FARP1: variants seen among roughly 807,000 people sequenced by gnomAD.
FARP1 encodes FERM, ARH/RhoGEF and pleckstrin domain protein 1.
In FARP1, 52 loss-of-function variants were observed where a neutral mutation model predicts 128.8. That is an observed-to-expected ratio of 0.40 (90% CI 0.32 to 0.51). FARP1 has a LOEUF of 0.51. Ranked by LOEUF, FARP1 falls within the 20% of genes least tolerant of loss-of-function variation. The pLI, the probability that FARP1 is intolerant of heterozygous loss-of-function variation, is 0.45. For missense variants in FARP1, 1,333 were observed against 1,367.9 expected, an observed-to-expected ratio of 0.97 and a Z score of 0.40; for synonymous variants, 580 against 551.8, an observed-to-expected ratio of 1.05 and a Z score of -0.72.
chr13:98,176,730 CGAGGAGGAGTTGCCCATG>C lies in FARP1; in HGVS notation c.-24+33241_-24+33258del, dbSNP rs1227793758. On this transcript the variant is annotated intron_variant, in intron 1 of 26. Coordinates refer to ENST00000319562, the MANE Select transcript of FARP1 (RefSeq NM_005766.4). The surrounding 1 kb of genome is among the most constrained non-coding windows in gnomAD (Gnocchi z 6.2). ...GTATGGGGCCCTTCCTCGCCATCCC[CGAGGAGGAGTTGCCCATG>C]GACGTGTCCTTGGGCTTCAGGTACC... 1.4e-5 allele frequency: 23 copies of C among 1,614,158 alleles called. No individual in the cohort carries two copies. The highest frequency in any genetic ancestry group is 1.9e-5 in the Non-Finnish European group (23 of 1,180,030).
intron 2 of FARP1, among the ~76,000 whole-genome samples, chr13:98,247,761 G>A (rs763111150): frequency 7.3e-5 from 11 of 151,232 alleles, no homozygotes; most frequent in Non-Finnish European, 1.5e-4. Flanking sequence ...ATTGGGAGCC[G>A]ATAAGAAAGT....
intron 2 of FARP1, among the ~76,000 whole-genome samples, chr13:98,221,088 A>G (rs542444320): frequency 3.3e-5 from 5 of 152,266 alleles, no homozygotes; most frequent in African/African-American, 1.2e-4. Flanking sequence ...GTGGCGCTGC[A>G]TGAGTGGCTG....
chr13:98,194,139 G>C (rs991162050), intron 1 of FARP1, among the ~76,000 whole-genome samples: 2 of 151,324 alleles, frequency 1.3e-5, no homozygotes, highest in Non-Finnish European at 2.9e-5. Flanking sequence ...TTTTTGAGAC[G>C]AAGTTTTGCT....
chr13:98,195,909 C>T (rs1594256427), intron 1 of FARP1, among the ~76,000 whole-genome samples: 1 of 152,090 alleles, frequency 6.6e-6, no homozygotes, highest in East Asian at 1.9e-4. Context: ...GCCTGTGGTC[C>T]CAGCTACTCA....
At chr13:98,385,527 T>G in intron 7 of FARP1, 140 bp from the exon 8 acceptor site, 1 of 837,704 alleles carries the variant, frequency 1.2e-6, no homozygotes, top group Non-Finnish European at 1.9e-6. Flanking sequence ...AATGGGAGAT[T>G]GGGTGTCATC....
intron 1 of FARP1, 67 bp from the exon 2 acceptor site, chr13:98,213,153 G>T: frequency 1.5e-6 from 2 of 1,358,926 alleles, no homozygotes; most frequent in Non-Finnish European, 2.0e-6. Flanking sequence ...TGGGGTTCAA[G>T]GTGGCACACA....
chr13:98,288,311 C>T (rs1296085809), intron 2 of FARP1, among the ~76,000 whole-genome samples: 1 of 152,140 alleles, frequency 6.6e-6, no homozygotes, highest in African/African-American at 2.4e-5. Flanking sequence ...AAAATCTAAG[C>T]TTCATAGCAC....
intron 2 of FARP1, chr13:98,244,717 C>T (rs776028731): frequency 6.2e-7 from 1 of 1,609,684 alleles, no homozygotes; most frequent in Middle Eastern, 1.7e-4. Context: ...TGAGTCAGGA[C>T]TTGAAGTCCT....
intron 1 of FARP1, among the ~76,000 whole-genome samples, chr13:98,158,453 G>A (rs1844711075): frequency 6.6e-6 from 1 of 152,194 alleles, no homozygotes; most frequent in Admixed American, 6.5e-5. Flanking sequence ...CATGATACTT[G>A]AGTGAGACAT....
intron 2 of FARP1, among the ~76,000 whole-genome samples, chr13:98,319,395 C>T (rs1473745214): frequency 2.0e-5 from 3 of 152,120 alleles, no homozygotes; most frequent in Non-Finnish European, 4.4e-5. Flanking sequence ...CTGAGGCAGG[C>T]GGATCACAAG....
At chr13:98,378,900 TATATATATA>T (rs1468367885) in intron 6 of FARP1, among the ~76,000 whole-genome samples, 1 of 114,554 alleles carries the variant, frequency 8.7e-6, no homozygotes, top group South Asian at 2.7e-4. Context: ...GCACTATATA[TATATATATA>T]ATATATATAT....
chr13:98,143,608 G>C (rs1472402460), intron 1 of FARP1, 116 bp downstream of exon 1: 1 of 150,812 alleles, frequency 6.6e-6, no homozygotes, highest in Non-Finnish European at 1.5e-5. Context: ...CCGCGGCTGC[G>C]GGCGAAGGTG....
intron 3 of FARP1, among the ~76,000 whole-genome samples, chr13:98,363,114 C>A (rs1036006089): frequency 7.2e-5 from 11 of 152,218 alleles, no homozygotes; most frequent in African/African-American, 2.4e-4. Context: ...ATGTCCTCCC[C>A]ATGGGGTAGT....
intron 24 of FARP1, chr13:98,445,830 T>C (rs1329003996): frequency 2.6e-6 from 1 of 384,988 alleles, no homozygotes; most frequent in Non-Finnish European, 4.8e-6. Context: ...GCCTGTGTTC[T>C]AAGGTACTGG....
At chr13:98,346,869 G>A (rs1888199899) in intron 3 of FARP1, among the ~76,000 whole-genome samples, 1 of 152,180 alleles carries the variant, frequency 6.6e-6, no homozygotes, top group African/African-American at 2.4e-5. Context: ...CTGGATGCTG[G>A]TTCCGTGGAT....
chr13:98,432,360 G>T (rs1892065629), intron 18 of FARP1: 1 of 150,264 alleles, frequency 6.7e-6, no homozygotes, highest in African/African-American at 2.4e-5. Context: ...TGAGACTCAG[G>T]GGAAGGGACT....
At chr13:98,282,656 G>C (rs1377795921) in intron 2 of FARP1, among the ~76,000 whole-genome samples, 2 of 152,180 alleles carry the variant, frequency 1.3e-5, no homozygotes, top group Admixed American at 6.5e-5. Flanking sequence ...TGTAATCCCA[G>C]CACTTTGAGA....
intron 2 of FARP1, among the ~76,000 whole-genome samples, chr13:98,304,659 A>G (rs1343984660): frequency 6.6e-6 from 1 of 152,212 alleles, no homozygotes; most frequent in East Asian, 1.9e-4. Context: ...TTTAAGTGGT[A>G]TCACCTTCGC....
chr13:98,237,751 A>T (rs1476458279), intron 2 of FARP1, among the ~76,000 whole-genome samples: 1 of 152,200 alleles, frequency 6.6e-6, no homozygotes, highest in East Asian at 1.9e-4. Context: ...GAATTGCTTG[A>T]TATGTAGCAT....
Sources: allele counts gnomAD v4.1 joint callset (sites outside exome capture counted in the v4.1 genomes callset), GRCh38; gene constraint gnomAD v4.1.1; non-coding constraint Gnocchi (gnomAD v3.1); transcripts MANE v1.5; gene names NCBI Gene and HGNC (gene_info 2026-07-23, HGNC 2026-07-21).